Variants in EPB41L3 observed in about 807,000 individuals in gnomAD.
EPB41L3 encodes erythrocyte membrane protein band 4.1 like 3, also known as band 4.1-like protein 3.
A neutral mutation model predicts 127.1 loss-of-function variants in EPB41L3; 57 were observed. The observed-to-expected ratio is 0.45, with a 90% CI of 0.36 to 0.56. The LOEUF (loss-of-function observed/expected upper bound fraction) is 0.56, where lower values mean the gene tolerates loss of function less well. Ranked by LOEUF, EPB41L3 falls within the 20% of genes least tolerant of loss-of-function variation. The pLI is 0.00. For synonymous variants in EPB41L3, 572 were observed against 549.5 expected (o/e 1.04, Z -0.57); for missense variants, 1,273 against 1,372.2 (o/e 0.93, Z 1.14).
intron 12 of EPB41L3, 135 bp downstream of exon 12, chr18:5,419,576 T>C: frequency 8.0e-6 from 10 of 1,244,410 alleles, no homozygotes; most frequent in South Asian, 4.4e-5. Flanking sequence ...AATTTAAAAA[T>C]TGACATATGA....
intron 14 of EPB41L3, 147 bp from the exon 15 acceptor site, chr18:5,407,883 C>T: frequency 1.4e-6 from 1 of 697,886 alleles, no homozygotes; most frequent in South Asian, 1.8e-5. Flanking sequence ...ACACAAACCA[C>T]AACATTCTCA....
At chr18:5,495,522 T>C (rs2091079183) in intron 1 of EPB41L3, among the ~76,000 whole-genome samples, 1 of 151,488 alleles carries the variant, frequency 6.6e-6, no homozygotes, top group African/African-American at 2.4e-5. Context: ...CCCAGGGTGT[T>C]GAGAACACAG....
chr18:5,601,360 C>T (rs189239736), intron 3 of EPB41L3, among the ~76,000 whole-genome samples: 1 of 152,300 alleles, frequency 6.6e-6, no homozygotes. Flanking sequence ...GTTGCCTCCC[C>T]CTGTGCTATC....
At chr18:5,407,151 A>G (rs55717352) in intron 15 of EPB41L3, 183 bp from the exon 16 acceptor site, 15,134 of 598,052 alleles carry the variant, frequency 0.025, 346 homozygotes, top group South Asian at 0.072. Context: ...CATGGAAAGG[A>G]AACAGAAAAA....
intron 3 of EPB41L3, among the ~76,000 whole-genome samples, chr18:5,572,954 T>C (rs1408686092): frequency 2.0e-5 from 3 of 152,034 alleles, no homozygotes; most frequent in Admixed American, 2.0e-4. Context: ...AGCCCTGGTA[T>C]TTAGAGAGAT....
intron 18 of EPB41L3, 90 bp from the exon 19 acceptor site, chr18:5,396,422 CA>C: frequency 6.8e-7 from 1 of 1,480,442 alleles, no homozygotes; most frequent in South Asian, 1.2e-5. Flanking sequence ...GTTATAAGCA[CA>C]GGTTAGTATG....
intron 1 of EPB41L3, among the ~76,000 whole-genome samples, chr18:5,518,943 G>A (rs571086983): frequency 1.3e-5 from 2 of 152,318 alleles, no homozygotes; most frequent in African/African-American, 4.8e-5. Context: ...GTAAACAGGA[G>A]CTCACTAAAA....
chr18:5,572,217 TAC>T (rs1429078833), intron 3 of EPB41L3, among the ~76,000 whole-genome samples: 2 of 152,352 alleles, frequency 1.3e-5, no homozygotes, highest in East Asian at 3.9e-4. Context: ...GGTTTTATGT[TAC>T]AGATATTTCA....
intron 3 of EPB41L3, among the ~76,000 whole-genome samples, chr18:5,471,562 T>C (rs2086147172): frequency 6.6e-6 from 1 of 152,212 alleles, no homozygotes. Flanking sequence ...ATTAAACCAG[T>C]AAGTCATGTA....
intron 1 of EPB41L3, among the ~76,000 whole-genome samples, chr18:5,519,645 A>G (rs1281037830): frequency 1.3e-5 from 2 of 152,118 alleles, no homozygotes; most frequent in East Asian, 3.9e-4. Context: ...CTCTTCTGGC[A>G]TTTTCTCACC....
At chr18:5,483,050 A>G (rs140863951) in intron 2 of EPB41L3, among the ~76,000 whole-genome samples, 19 of 152,300 alleles carry the variant, frequency 1.2e-4, no homozygotes, top group Non-Finnish European at 2.9e-5. Context: ...ATGAAGCCCA[A>G]AAGACAACCT....
At chr18:5,539,403 C>A (rs1279187776) in intron 1 of EPB41L3, among the ~76,000 whole-genome samples, 3 of 152,112 alleles carry the variant, frequency 2.0e-5, no homozygotes, top group African/African-American at 7.2e-5. Flanking sequence ...GCTTACAATT[C>A]CAAAGTATGC....
At chr18:5,498,272 A>T (rs2091368201) in intron 1 of EPB41L3, among the ~76,000 whole-genome samples, 1 of 152,210 alleles carries the variant, frequency 6.6e-6, no homozygotes, top group South Asian at 2.1e-4. Flanking sequence ...TGCTTATAGC[A>T]GTTCATTAGT....
upstream of EPB41L3, among the ~76,000 whole-genome samples, chr18:5,630,013 C>A: frequency 6.6e-6 from 1 of 152,316 alleles, no homozygotes; most frequent in Non-Finnish European, 1.5e-5. Flanking sequence ...AAGACTGGTG[C>A]GCTCGCCGGG....
intron 2 of EPB41L3, among the ~76,000 whole-genome samples, chr18:5,484,384 C>A (rs1284308339): frequency 1.3e-5 from 2 of 151,038 alleles, no homozygotes; most frequent in African/African-American, 4.9e-5. Flanking sequence ...ACGTCTATAT[C>A]AAAAAAGTAA....
intron 3 of EPB41L3, among the ~76,000 whole-genome samples, chr18:5,449,629 G>A (rs771154269): frequency 2.6e-5 from 4 of 152,240 alleles, no homozygotes; most frequent in Non-Finnish European, 5.9e-5. Context: ...TCCAGATAAC[G>A]GAATAATGTT....
At chr18:5,456,405 C>T (rs2083073021) in intron 3 of EPB41L3, among the ~76,000 whole-genome samples, 1 of 152,026 alleles carries the variant, frequency 6.6e-6, no homozygotes, top group South Asian at 2.1e-4. Flanking sequence ...ATCATTTCAC[C>T]AGTTAAATAT....
intron 1 of EPB41L3, among the ~76,000 whole-genome samples, chr18:5,498,204 TA>T (rs1055967559): frequency 6.6e-6 from 1 of 152,112 alleles, no homozygotes; most frequent in African/African-American, 2.4e-5. Context: ...ACAAAACTGC[TA>T]AAAAAAATTT....
In EPB41L3 at chr18:5,407,741, C is replaced by T. The variant is rs1367473185; in HGVS notation, c.2122-5G>A. The T allele has an allele frequency of 6.2e-7, 1 of 1,613,952 alleles. No homozygotes were observed. Among genetic ancestry groups the T allele is most frequent in the Non-Finnish European group, 8.5e-7 (1 of 1,179,882 alleles). ...TGCATCTTCCTCCTGGTCCGACTGC[C>T]AGCATCAAGAAAGAGTGGGAAATAA... On this transcript the variant is annotated splice_polypyrimidine_tract_variant and splice_region_variant and intron_variant, in intron 14 of 22. Coordinates refer to ENST00000341928, the MANE Select transcript of EPB41L3 (RefSeq NM_012307.5).
Sources: allele counts gnomAD v4.1 joint callset (sites outside exome capture counted in the v4.1 genomes callset), GRCh38; gene constraint gnomAD v4.1.1; transcripts MANE v1.5; gene names NCBI Gene and HGNC (gene_info 2026-07-23, HGNC 2026-07-21).